Variants in KIAA1755 observed in about 807,000 individuals in gnomAD.
KIAA1755 encodes uncharacterized protein KIAA1755.
In KIAA1755, 68 loss-of-function variants were observed where a neutral mutation model predicts 91.7. The observed-to-expected ratio is 0.74, with a 90% CI of 0.61 to 0.91. KIAA1755 has a LOEUF of 0.91. Among genes scored for constraint, KIAA1755 ranks in the 40% least tolerant of loss-of-function variants. The pLI is 0.00. For missense variants in KIAA1755, 1,535 were observed against 1,494.4 expected (o/e 1.03, Z -0.45); for synonymous variants, 610 against 604.6 (o/e 1.01, Z -0.13).
At chr20:38,220,203 T>G (rs1008695542) in intron 10 of KIAA1755, among the ~76,000 whole-genome samples, 11 of 152,104 alleles carry the variant, frequency 7.2e-5, no homozygotes, top group Non-Finnish European at 1.5e-4. Flanking sequence ...TAGCTATACA[T>G]TATAACCTGC....
In KIAA1755 at chr20:38,232,622, T is replaced by C. The variant is rs549954559; in HGVS notation, c.1748-1297A>G. ...CAGCCTGGGCGACAGAGTGAGACTCTGTCTCAGAAAAAAAAAAAAAAAAAT... is the reference window on the plus strand; with the variant it reads ...CAGCCTGGGCGACAGAGTGAGACTCCGTCTCAGAAAAAAAAAAAAAAAAAT... On this transcript the variant is annotated intron_variant, in intron 4 of 13. Coordinates refer to ENST00000279024, the MANE Select transcript of KIAA1755 (RefSeq NM_001029864.2). Among the ~76,000 whole-genome samples, 378 of 148,796 alleles carry C rather than the reference T, an allele frequency of 2.5e-3. 4 individuals are homozygous for C. Among genetic ancestry groups the C allele is most frequent in the South Asian group, 0.016 (72 of 4,572 alleles).
At chr20:38,218,066 A>T in intron 12 of KIAA1755, 178 bp downstream of exon 12, 1 of 743,176 alleles carries the variant, frequency 1.3e-6, no homozygotes, top group East Asian at 2.6e-5. Context: ...GCCATCTGGT[A>T]AGAATCTCTG....
At chr20:38,215,984 T>A (rs1362694862) in intron 13 of KIAA1755, among the ~76,000 whole-genome samples, 3 of 152,166 alleles carry the variant, frequency 2.0e-5, no homozygotes, top group Non-Finnish European at 4.4e-5. Context: ...TGACCCTGGG[T>A]GAGTTATCTG....
At chr20:38,247,151 C>G (rs1166278277) in intron 1 of KIAA1755, among the ~76,000 whole-genome samples, 1 of 152,166 alleles carries the variant, frequency 6.6e-6, no homozygotes, top group Non-Finnish European at 1.5e-5. Context: ...CCATTTTCCA[C>G]CAGGACCCCA....
chr20:38,214,146 T>G (rs1600555030), intron 13 of KIAA1755, among the ~76,000 whole-genome samples: 1 of 152,242 alleles, frequency 6.6e-6, no homozygotes, highest in South Asian at 2.1e-4. Flanking sequence ...GGACGGGGTT[T>G]CACCTTGTTG....
rs118069277 is a variant in KIAA1755 at position 38,212,630 on chromosome 20, G to C, written c.*412C>G. On this transcript the variant is annotated 3_prime_UTR_variant, in exon 14 of 14. Coordinates refer to ENST00000279024, the MANE Select transcript of KIAA1755 (RefSeq NM_001029864.2). ...CAAGGAAGCACTCCCGAATCTCCCC[G>C]AGGATTCTGCCTAAGGGCAACACTG... is the stretch of plus-strand genomic sequence containing the variant. The C allele has an allele frequency of 6.1e-6, 1 of 164,294 alleles. No homozygotes were observed. The highest frequency in any genetic ancestry group is 1.3e-5 in the Non-Finnish European group (1 of 76,160). 10.2% of individuals were successfully genotyped at this position (164,294 alleles called of 1,614,324 possible).
intron 8 of KIAA1755, 72 bp from the exon 9 acceptor site, chr20:38,223,708 G>A (rs1281358562): frequency 8.8e-7 from 1 of 1,132,484 alleles, no homozygotes. Flanking sequence ...CATCTCAGGA[G>A]CACAGAGGGG....
chr20:38,227,030 T>C (rs2075769003), intron 7 of KIAA1755, 124 bp downstream of exon 7: 1 of 647,746 alleles, frequency 1.5e-6, no homozygotes, highest in Non-Finnish European at 2.7e-6. Context: ...TTTATTGCCT[T>C]ACACTAGATT....
chr20:38,248,529 C>T (rs1397594380), intron 1 of KIAA1755, among the ~76,000 whole-genome samples: 8 of 152,112 alleles, frequency 5.3e-5, no homozygotes, highest in African/African-American at 1.9e-4. Context: ...CAACAGGAGG[C>T]AGGTACAGTA....
chr20:38,222,725 T>A, intron 9 of KIAA1755, 128 bp from the exon 10 acceptor site: 1 of 1,008,326 alleles, frequency 9.9e-7, no homozygotes, highest in South Asian at 1.4e-5. Flanking sequence ...AAGTCTGTCA[T>A]TTCTGTCTCT....
chr20:38,241,560 G>T lies in KIAA1755; in HGVS notation c.571C>A (p.Pro191Thr). The change falls in exon 3 of 14, where the codon CCC becomes ACC. Residue 191 changes from proline to threonine, a missense_variant. By Grantham distance (38) the Pro-to-Thr change is conservative. Coordinates refer to ENST00000279024, the MANE Select transcript of KIAA1755 (RefSeq NM_001029864.2). ...ITSPEFVDDRPQVVNALCQAW... is the reference protein window; with the variant it reads ...ITSPEFVDDRTQVVNALCQAW... ...TGGCAGAGGGCATTCACTACTTGGG[G>T]TCTGTCATCCACAAACTCTGGGCTG... The T allele has an allele frequency of 7.4e-6, 12 of 1,614,234 alleles. No homozygotes were observed. Among genetic ancestry groups the T allele is most frequent in the Non-Finnish European group, 1.0e-5 (12 of 1,180,040 alleles).
At chr20:38,231,588 A>G (rs1425735571) in intron 4 of KIAA1755, among the ~76,000 whole-genome samples, 1 of 152,164 alleles carries the variant, frequency 6.6e-6, no homozygotes, top group Non-Finnish European at 1.5e-5. Context: ...AGCTCATGGC[A>G]TGAGCTCTGG....
At chr20:38,215,811 C>T (rs115526698) in intron 13 of KIAA1755, among the ~76,000 whole-genome samples, 61 of 152,274 alleles carry the variant, frequency 4.0e-4, no homozygotes, top group African/African-American at 1.4e-3. Context: ...CCTCTTCTTC[C>T]TCCTCTTAAT....
At chr20:38,225,634 G>A (rs2075742432) in intron 8 of KIAA1755, 31 bp downstream of exon 8, 2 of 1,330,454 alleles carry the variant, frequency 1.5e-6, no homozygotes, top group Non-Finnish European at 2.2e-6. Context: ...AGGAGTGGGG[G>A]TCAGGGGCTA....
At chr20:38,260,414 C>T (rs2076427957) in intron 1 of KIAA1755, 84 bp downstream of exon 1, 6 of 1,590,446 alleles carry the variant, frequency 3.8e-6, no homozygotes, top group East Asian at 4.5e-5. Flanking sequence ...GCCAGGGCCA[C>T]CCGGGGCTGT....
chr20:38,222,516 C>T lies in KIAA1755; in HGVS notation c.2350G>A (p.Glu784Lys). The T allele has an allele frequency of 6.2e-7, 1 of 1,613,794 alleles. No homozygotes were observed. The highest frequency in any genetic ancestry group is 1.7e-5 in the Admixed American group (1 of 60,024). The change falls in exon 10 of 14, where the codon GAA becomes AAA. Residue 784 changes from glutamate (E) to lysine (K), a missense_variant. Physicochemically the swap from Glu to Lys is moderately conservative, Grantham distance 56. Coordinates refer to ENST00000279024, the MANE Select transcript of KIAA1755 (RefSeq NM_001029864.2). ...RDPGLLGLQREGGATLARLQH... is the reference protein window; with the variant it reads ...RDPGLLGLQRKGGATLARLQH... Reference sequence around the variant, plus strand: ...AGCCTGGCCAGGGTGGCTCCACCTTCCCGCTGGAGGCCCAGTAGGCCGGGG... The same window carrying T: ...AGCCTGGCCAGGGTGGCTCCACCTTTCCGCTGGAGGCCCAGTAGGCCGGGG...
chr20:38,237,216 T>G (rs1476782844), intron 4 of KIAA1755, among the ~76,000 whole-genome samples: 1 of 151,304 alleles, frequency 6.6e-6, no homozygotes, highest in Non-Finnish European at 1.5e-5. Flanking sequence ...TTGGGGAAGG[T>G]GGTGTTGAAG....
At chr20:38,223,503 A>T (rs1477665960) in intron 9 of KIAA1755, 35 bp downstream of exon 9, 22 of 1,478,712 alleles carry the variant, frequency 1.5e-5, no homozygotes, top group Non-Finnish European at 1.7e-5. Context: ...CTGGGGTGTG[A>T]TGTAGCTTCC....
Position 38,240,689 on chromosome 20 carries a change from T to G in KIAA1755, c.1442A>C (p.Gln481Pro). The G allele has an allele frequency of 6.4e-7, 1 of 1,557,486 alleles. No homozygotes were observed. The highest frequency in any genetic ancestry group is 8.7e-7 in the Non-Finnish European group (1 of 1,153,360). ...LKFSFLRGQR[Q>P]PSVTPEKASL... Reference sequence around the variant, plus strand: ...GGCTTTCTCCGGGGTCACAGAGGGTTGCCTCTGCCCTCTCAAGAATGAGAA... The same window carrying G: ...GGCTTTCTCCGGGGTCACAGAGGGTGGCCTCTGCCCTCTCAAGAATGAGAA... Residue 481 changes from glutamine to proline, a missense_variant, in exon 3 of 14, where the codon CAA (glutamine) becomes CCA (proline). Physicochemically the swap from Gln to Pro is moderately conservative, Grantham distance 76. Transcript: ENST00000279024.
Sources: gnomAD v4.1 joint callset for allele counts (sites outside exome capture counted in the v4.1 genomes callset) on GRCh38, gnomAD v4.1.1 for gene constraint, MANE v1.5 for transcripts, NCBI Gene and HGNC (gene_info 2026-07-23, HGNC 2026-07-21) for gene names.